The following RSPO4 variants were observed in gnomAD, a reference collection of about 807,000 sequenced individuals.
RSPO4 encodes R-spondin 4.
RSPO4 carries 23 observed loss-of-function variants against 24.8 expected under a neutral mutation model. The observed-to-expected ratio is 0.93, with a 90% CI of 0.67 to 1.31. The LOEUF is 1.31. Ranked by LOEUF, RSPO4 falls within the 40% of genes most tolerant of loss-of-function variation. The probability of loss-of-function intolerance (pLI) is 0.00; values close to 1 mark genes in which losing one functional copy is unlikely to be tolerated. For synonymous variants in RSPO4, 141 were observed against 127.4 expected, an observed-to-expected ratio of 1.11 and a Z score of -0.72; for missense variants, 333 against 316.5, an observed-to-expected ratio of 1.05 and a Z score of -0.39.
intron 1 of RSPO4, among the ~76,000 whole-genome samples, chr20:986,116 T>C (rs1010162614): frequency 1.3e-5 from 2 of 152,138 alleles, no homozygotes; most frequent in Non-Finnish European, 2.9e-5. Context: ...GAAGTGGGGA[T>C]GGGGTAGTGA....
intron 1 of RSPO4, among the ~76,000 whole-genome samples, chr20:989,846 C>T (rs1398791700): frequency 1.3e-5 from 2 of 152,194 alleles, no homozygotes. Context: ...CAGCTGGAGA[C>T]GCGGGCCTCT....
At chr20:966,736 T>C (rs1292619661) in intron 3 of RSPO4, among the ~76,000 whole-genome samples, 1 of 152,144 alleles carries the variant, frequency 6.6e-6, no homozygotes, top group Non-Finnish European at 1.5e-5. Flanking sequence ...ATGCCTGTGG[T>C]CCCAGTTACT....
intron 4 of RSPO4, 83 bp from the exon 5 acceptor site, chr20:960,549 G>A: frequency 2.0e-6 from 2 of 1,019,790 alleles, no homozygotes; most frequent in South Asian, 1.4e-5. Flanking sequence ...GAAAGACAAG[G>A]GTGCCCCACC....
intron 1 of RSPO4, among the ~76,000 whole-genome samples, chr20:971,793 G>A (rs890294921): frequency 6.6e-6 from 1 of 152,160 alleles, no homozygotes; most frequent in Non-Finnish European, 1.5e-5. Context: ...CTTGACTGTA[G>A]GTTTGAAATA....
chr20:987,843 T>C (rs2122254790), intron 1 of RSPO4, among the ~76,000 whole-genome samples: 1 of 152,322 alleles, frequency 6.6e-6, no homozygotes. Context: ...GAAAAGCTTG[T>C]TCCTTCCACA....
chr20:977,863 T>C (rs1004717518), intron 1 of RSPO4, among the ~76,000 whole-genome samples: 3 of 150,876 alleles, frequency 2.0e-5, no homozygotes, highest in Non-Finnish European at 2.9e-5. Context: ...CATCCTCCGA[T>C]GCCCGCCTGG....
At chr20:965,456 G>A (rs548981480) in intron 3 of RSPO4, among the ~76,000 whole-genome samples, 1 of 152,378 alleles carries the variant, frequency 6.6e-6, no homozygotes, top group South Asian at 2.1e-4. Flanking sequence ...GCCTGGGTGG[G>A]CTCCGCCCAA....
chr20:981,468 G>A lies in RSPO4; in HGVS notation c.80-13330C>T, dbSNP rs764115307. Among the ~76,000 whole-genome samples, 5 of 152,198 alleles carry A rather than the reference G, an allele frequency of 3.3e-5. No homozygotes were observed. Among genetic ancestry groups the A allele is most frequent in the Non-Finnish European group, 7.3e-5 (5 of 68,040 alleles). On this transcript the variant is annotated intron_variant, in intron 1 of 4. Coordinates refer to ENST00000217260, the MANE Select transcript of RSPO4 (RefSeq NM_001029871.4). This position sits in a 1 kb window ranked among gnomAD's most constrained non-coding sequence, Gnocchi z 4.6. ...TGAATCCAGGATGCGGAGGTTGCAT[G>A]AGCCAAGATTGCACCACTGCACTCC...
intron 1 of RSPO4, among the ~76,000 whole-genome samples, chr20:984,429 G>C (rs1984837275): frequency 6.6e-6 from 1 of 152,202 alleles, no homozygotes; most frequent in Non-Finnish European, 1.5e-5. Flanking sequence ...AAGGGGGCCA[G>C]GTCTAAAAGT....
rs115719106 is a variant in RSPO4 at position 990,934 on chromosome 20, A to C, written c.79+11152T>G. Among the ~76,000 whole-genome samples the C allele has an allele frequency of 3.5e-3, 533 of 152,358 alleles. 1 individual carries two copies. Among genetic ancestry groups the C allele is most frequent in the Middle Eastern group, 0.014 (4 of 294 alleles). On this transcript the variant is annotated intron_variant, in intron 1 of 4. Coordinates refer to ENST00000217260, the MANE Select transcript of RSPO4 (RefSeq NM_001029871.4). ...ACTGCAGGCTGTGATCCTAGGGCAC[A>C]GTCAGGAAGGGGCGTGGACAGAGGA...
At chr20:984,772 C>A (rs751975598) in intron 1 of RSPO4, among the ~76,000 whole-genome samples, 1 of 152,192 alleles carries the variant, frequency 6.6e-6, no homozygotes, top group Non-Finnish European at 1.5e-5. Context: ...GTCTCCCTGT[C>A]TCTGGGCTTC....
Position 967,338 on chromosome 20 carries a change from C to A in RSPO4, c.269-24G>T, listed in dbSNP as rs996112837. On this transcript the variant is annotated intron_variant, in intron 2 of 4. Transcript: ENST00000217260. ...TTCTGTAATAGAGCCAGGGACACCC[C>A]AGGTGAGGGAGACTGCCAAGGATGG... 6.8e-6 allele frequency: 11 copies of A among 1,613,288 alleles called. No individual in the cohort carries two copies. The African/African-American group carries it at 1.5e-4, about 22-fold the overall frequency.
intron 1 of RSPO4, among the ~76,000 whole-genome samples, chr20:992,357 G>A (rs1203490581): frequency 6.6e-6 from 1 of 150,684 alleles, no homozygotes; most frequent in Non-Finnish European, 1.5e-5. Flanking sequence ...GACTCAGAGA[G>A]GGTGGGTCAC....
In RSPO4 at chr20:960,148, G is replaced by A; in HGVS notation, c.*209C>T. 2 of 589,300 alleles carry A rather than the reference G, an allele frequency of 3.4e-6. 1 individual carries two copies. The highest frequency in any genetic ancestry group is 4.2e-5 in the South Asian group (2 of 48,056). The allele number at this position is 589,300 out of a possible 1,614,324, so 36.5% of individuals were successfully genotyped here. ...GGAAGGGAAGGAGGGAGGGAGAAAGGAGAGGAGAATGGAGGTGGAAGAAAT... is the reference window on the plus strand; with the variant it reads ...GGAAGGGAAGGAGGGAGGGAGAAAGAAGAGGAGAATGGAGGTGGAAGAAAT... On this transcript the variant is annotated 3_prime_UTR_variant, in exon 5 of 5. Coordinates refer to ENST00000217260, the MANE Select transcript of RSPO4 (RefSeq NM_001029871.4).
intron 1 of RSPO4, among the ~76,000 whole-genome samples, chr20:968,758 T>A (rs1015566673): frequency 3.3e-5 from 5 of 152,200 alleles, no homozygotes; most frequent in Non-Finnish European, 7.3e-5. Context: ...TACTCAGCAA[T>A]ACTCCATTTC....
chr20:964,821 CACACACACACAT>C (rs990041930), intron 3 of RSPO4, among the ~76,000 whole-genome samples: 1 of 95,180 alleles, frequency 1.1e-5, no homozygotes, highest in African/African-American at 3.6e-5. Context: ...CACACACACA[CACACACACACAT>C]ATATATATAT....
intron 1 of RSPO4, among the ~76,000 whole-genome samples, chr20:993,550 A>T (rs769592474): frequency 3.9e-5 from 6 of 152,076 alleles, no homozygotes; most frequent in Non-Finnish European, 7.4e-5. Context: ...CTGAATGTGG[A>T]AGGCCTCATC....
At chr20:1,000,822 C>T (rs1856795931) in intron 1 of RSPO4, among the ~76,000 whole-genome samples, 1 of 152,196 alleles carries the variant, frequency 6.6e-6, no homozygotes, top group Non-Finnish European at 1.5e-5. Flanking sequence ...GTCCCTTGTC[C>T]CACTGTCACA....
intron 1 of RSPO4, among the ~76,000 whole-genome samples, chr20:980,248 G>A (rs1984694521): frequency 6.6e-6 from 1 of 152,116 alleles, no homozygotes; most frequent in Non-Finnish European, 1.5e-5. Flanking sequence ...TTGCCACACT[G>A]CAGCCTGGCT....
Sources: gnomAD v4.1 joint callset for allele counts (sites outside exome capture counted in the v4.1 genomes callset) on GRCh38, gnomAD v4.1.1 for gene constraint, Gnocchi (gnomAD v3.1) non-coding constraint, MANE v1.5 for transcripts, NCBI Gene and HGNC (gene_info 2026-07-23, HGNC 2026-07-21) for gene names.